Variants in HAPLN3 observed in about 807,000 individuals in gnomAD.
HAPLN3 encodes hyaluronan and proteoglycan link protein 3.
A neutral mutation model predicts 28.1 loss-of-function variants in HAPLN3; 28 were observed. The observed-to-expected ratio is 1.00, with a 90% CI of 0.74 to 1.37. The LOEUF (loss-of-function observed/expected upper bound fraction) is 1.37, where lower values mean the gene tolerates loss of function less well. Among genes scored for constraint, HAPLN3 ranks in the 40% most tolerant of loss-of-function variants. The pLI is 0.00. For missense variants in HAPLN3, 513 were observed against 504.6 expected, an observed-to-expected ratio of 1.02 and a Z score of -0.16; for synonymous variants, 211 against 213.1, an observed-to-expected ratio of 0.99 and a Z score of 0.09.
At chr15:88,890,210 C>T (rs74029047) in intron 1 of HAPLN3, among the ~76,000 whole-genome samples, 2 of 152,128 alleles carry the variant, frequency 1.3e-5, no homozygotes, top group African/African-American at 4.8e-5. Flanking sequence ...ATCCACCATT[C>T]CCTTAGACAC....
intron 2 of HAPLN3, among the ~76,000 whole-genome samples, chr15:88,883,690 A>T (rs1243718440): frequency 1.3e-5 from 2 of 152,246 alleles, no homozygotes; most frequent in Non-Finnish European, 2.9e-5. Flanking sequence ...TGACTTAGAA[A>T]ACGAGTTCTA....
intron 1 of HAPLN3, among the ~76,000 whole-genome samples, chr15:88,894,781 C>T (rs532863813): frequency 6.6e-6 from 1 of 152,306 alleles, no homozygotes; most frequent in South Asian, 2.1e-4. Context: ...CGTGCTGTTT[C>T]CATACTGGCT....
rs1432728502 is a variant in HAPLN3, at chr15:88,877,960, GC to G, written c.*9del. 6.3e-7 allele frequency: 1 copy of G among 1,579,110 alleles called. No individual in the cohort carries two copies. Among genetic ancestry groups the G allele is most frequent in the East Asian group, 2.2e-5 (1 of 44,458 alleles). On this transcript the variant is annotated 3_prime_UTR_variant, in exon 5 of 5. Transcript: ENST00000359595. This position sits in a 1 kb window ranked among gnomAD's most constrained non-coding sequence, Gnocchi z 5.1. ...CAGTGAGGGAATGCGGCAGGGGAGG[GC>G]CCCAGGTCCTAGTGCTGGCGGTAGC...
intron 1 of HAPLN3, among the ~76,000 whole-genome samples, chr15:88,891,561 G>A (rs2141675240): frequency 6.6e-6 from 1 of 152,264 alleles, no homozygotes; most frequent in Non-Finnish European, 1.5e-5. Flanking sequence ...GCCTCCCAAA[G>A]TGCTGGTATT....
Position 88,881,397 on chromosome 15 carries a change from C to A in HAPLN3, c.453G>T (p.Gly151=). The A allele has an allele frequency of 6.2e-7, 1 of 1,613,746 alleles. No homozygotes were observed. Among genetic ancestry groups the A allele is most frequent in the Non-Finnish European group, 8.5e-7 (1 of 1,179,918 alleles). Reference sequence around the variant, plus strand: ...CCACCAGACCGCTTTCATCCTCCAGCCCGTCAATGACCTCACAGCGGTAAC... The same window carrying A: ...CCACCAGACCGCTTTCATCCTCCAGACCGTCAATGACCTCACAGCGGTAAC... ...YGRYRCEVID[G]LEDESGLVEL... is the part of the protein sequence containing the mutation. Residue 151 remains glycine (G), a synonymous_variant, in exon 3 of 5, where the codon GGG becomes GGT. Coordinates refer to ENST00000359595, the MANE Select transcript of HAPLN3 (RefSeq NM_178232.4). This position sits in a 1 kb window ranked among gnomAD's most constrained non-coding sequence, Gnocchi z 6.0.
chr15:88,880,011 C>T lies in HAPLN3; in HGVS notation c.494-742G>A, dbSNP rs1897654074. 9 of 994,158 alleles carry T rather than the reference C, an allele frequency of 9.1e-6. No homozygotes were observed. The highest frequency in any genetic ancestry group is 5.2e-4 in the Middle Eastern group (1 of 1,930). 61.6% of individuals were successfully genotyped at this position (994,158 alleles called of 1,614,324 possible). A position where few individuals can be genotyped will look rare whatever the true frequency, so the allele number is the denominator to read the frequency against. On this transcript the variant is annotated intron_variant, in intron 3 of 4. Transcript: ENST00000359595. This position sits in a 1 kb window ranked among gnomAD's most constrained non-coding sequence, Gnocchi z 6.0. Reference sequence around the variant, plus strand: ...GGGAAGGACACTTTGGAATCTCCTCCGTGTGGCCAAGGACCCAGGAACAGC... The same window carrying T: ...GGGAAGGACACTTTGGAATCTCCTCTGTGTGGCCAAGGACCCAGGAACAGC...
chr15:88,889,371 T>C (rs1158275840), intron 1 of HAPLN3, among the ~76,000 whole-genome samples: 1 of 152,154 alleles, frequency 6.6e-6, no homozygotes, highest in Non-Finnish European at 1.5e-5. Flanking sequence ...AATCTCACTC[T>C]GTTGTCCAAG....
chr15:88,891,671 A>T (rs1344258969), intron 1 of HAPLN3, among the ~76,000 whole-genome samples: 1 of 152,224 alleles, frequency 6.6e-6, no homozygotes, highest in East Asian at 1.9e-4. Flanking sequence ...TGGAAAAACC[A>T]AGGCACAGAG....
At chr15:88,890,023 GAGGAAGGAAGGAA>G (rs147546199) in intron 1 of HAPLN3, among the ~76,000 whole-genome samples, 21,784 of 147,970 alleles carry the variant, frequency 0.15, 1,748 homozygotes, top group South Asian at 0.25. Flanking sequence ...GGAGGAAGGG[GAGGAAGGAAGGAA>G]AGGAAGGAAG....
At chr15:88,882,848 T>A (rs1475622434) in intron 2 of HAPLN3, among the ~76,000 whole-genome samples, 4 of 151,972 alleles carry the variant, frequency 2.6e-5, no homozygotes, top group South Asian at 4.2e-4. Context: ...TACAAAAAAA[T>A]TTTTAAAACT....
chr15:88,883,452 G>T (rs1897762105), intron 2 of HAPLN3, among the ~76,000 whole-genome samples: 1 of 152,246 alleles, frequency 6.6e-6, no homozygotes, highest in Non-Finnish European at 1.5e-5. Flanking sequence ...TCCCTACAGA[G>T]GGCTGTGGTA....
At chr15:88,889,143 C>T (rs1451341598) in intron 1 of HAPLN3, among the ~76,000 whole-genome samples, 3 of 152,274 alleles carry the variant, frequency 2.0e-5, no homozygotes, top group South Asian at 2.1e-4. Flanking sequence ...CTGGCCTCTG[C>T]GTCCCCCACT....
At position 88,887,292 on chromosome 15, in the gene HAPLN3, G is replaced by C; in HGVS notation, c.7C>G (p.Leu3Val). ...AGGAGCAACGGGACCAGGAGCAACA[G>C]GCCCATCTCCTCATGCCAGGGTGAC... Reference protein sequence around the residue: MGLLLLVPLLLLP... With the variant: MGVLLLVPLLLLP... The change falls in exon 2 of 5, where the codon CTG (leucine) becomes GTG (valine). Residue 3 changes from leucine (L) to valine (V), a missense_variant. By Grantham distance (32) the Leu-to-Val change is conservative. Transcript: ENST00000359595. 6.2e-7 allele frequency: 1 copy of C among 1,614,082 alleles called. No individual in the cohort carries two copies.
rs1897665736 is a variant in HAPLN3 at position 88,880,449 on chromosome 15, T to C, written c.493+908A>G. On this transcript the variant is annotated intron_variant, in intron 3 of 4. Transcript: ENST00000359595. The surrounding 1 kb of genome is among the most constrained non-coding windows in gnomAD (Gnocchi z 6.0). ...GGAGGTAAAGGAGGAAAGATTGTGA[T>C]ACCCCATTTTACACCTGAGAGGCCC... 1 of 1,206,322 alleles carries C rather than the reference T, an allele frequency of 8.3e-7. No individual in the cohort carries two copies. Among genetic ancestry groups the C allele is most frequent in the Admixed American group, 3.0e-5 (1 of 33,390 alleles). The allele number at this position is 1,206,322 out of a possible 1,614,324, so 74.7% of individuals were successfully genotyped here.
Position 88,878,031 on chromosome 15 carries a change from C to A in HAPLN3, c.1022G>T (p.Ser341Ile). The stretch of plus-strand genomic sequence containing the variant: ...GCTCTGCGGGTCGGGGAAGCCAAAG[C>A]TTCGGACCCCAGGCTCTGGGGGCCC... The part of the protein sequence containing the change: ...NCGPPEPGVR[S>I]FGFPDPQSRL... The change falls in exon 5 of 5, where the codon AGC becomes ATC. Residue 341 changes from serine to isoleucine, a missense_variant. By Grantham distance (142) the Ser-to-Ile change is moderately radical. Transcript: ENST00000359595. 1 of 1,614,008 alleles carries A rather than the reference C, an allele frequency of 6.2e-7. No homozygotes were observed. Among genetic ancestry groups the A allele is most frequent in the South Asian group, 1.1e-5 (1 of 91,070 alleles).
chr15:88,887,346 C>G lies in HAPLN3; in HGVS notation c.-47-1G>C, dbSNP rs1567204936. ...GGCCAGGCTGGGGCCCCAGGGCAAACTGGGAAGGGGAGGAAAACAAGGCAA... is the reference window on the plus strand; with the variant it reads ...GGCCAGGCTGGGGCCCCAGGGCAAAGTGGGAAGGGGAGGAAAACAAGGCAA... On this transcript the variant is annotated splice_acceptor_variant, in intron 1 of 4. Transcript: ENST00000359595. LOFTEE classifies it low-confidence loss of function (5UTR_SPLICE). 1 of 1,609,138 alleles carries G rather than the reference C, an allele frequency of 6.2e-7. No homozygotes were observed. The highest frequency in any genetic ancestry group is 1.7e-5 in the Admixed American group (1 of 58,864).
intron 2 of HAPLN3, among the ~76,000 whole-genome samples, chr15:88,884,288 G>A (rs567759094): frequency 3.1e-4 from 47 of 152,198 alleles, no homozygotes; most frequent in Middle Eastern, 3.4e-3. Flanking sequence ...TTGTAGGCCG[G>A]GCACGGTGGC....
intron 1 of HAPLN3, chr15:88,892,890 A>G (rs1898048917): frequency 3.5e-6 from 5 of 1,423,672 alleles, no homozygotes; most frequent in Non-Finnish European, 3.8e-6. Flanking sequence ...CTCCCCTACC[A>G]TGGCTATCCA....
At chr15:88,884,280 G>A (rs1313231802) in intron 2 of HAPLN3, among the ~76,000 whole-genome samples, 1 of 151,570 alleles carries the variant, frequency 6.6e-6, no homozygotes, top group African/African-American at 2.4e-5. Context: ...AGTAGTGCTT[G>A]TAGGCCGGGC....
Sources: gnomAD v4.1 joint callset for allele counts (sites outside exome capture counted in the v4.1 genomes callset) on GRCh38, gnomAD v4.1.1 for gene constraint, Gnocchi (gnomAD v3.1) non-coding constraint, MANE v1.5 for transcripts, NCBI Gene and HGNC (gene_info 2026-07-23, HGNC 2026-07-21) for gene names.